Variants in PBX1 observed in about 807,000 individuals in gnomAD.
PBX1 encodes pre-B-cell leukemia transcription factor 1.
PBX1 carries 6 observed loss-of-function variants against 53.4 expected under a neutral mutation model. That is an observed-to-expected ratio of 0.11 (90% CI 0.06 to 0.22). PBX1 has a LOEUF of 0.22. PBX1 is among the 10% of genes least tolerant of loss of function. The pLI is 1.00. For missense variants in PBX1, 251 were observed against 551.4 expected (o/e 0.46, Z 5.46); for synonymous variants, 204 against 212.3 (o/e 0.96, Z 0.34).
chr1:164,838,704 T>A (rs1671158333), intron 8 of PBX1, among the ~76,000 whole-genome samples: 1 of 152,036 alleles, frequency 6.6e-6, no homozygotes, highest in East Asian at 1.9e-4. Context: ...GGAGTAAGAG[T>A]TCACACTAGA....
chr1:164,783,602 A>T (rs1668031653), intron 2 of PBX1, among the ~76,000 whole-genome samples: 1 of 152,194 alleles, frequency 6.6e-6, no homozygotes, highest in South Asian at 2.1e-4. Flanking sequence ...ACCAAGCACT[A>T]CTGTGTGCTT....
intron 2 of PBX1, among the ~76,000 whole-genome samples, chr1:164,643,235 A>G (rs1659249967): frequency 6.6e-6 from 1 of 152,200 alleles, no homozygotes; most frequent in Admixed American, 6.5e-5. Context: ...GGGGCGTTGC[A>G]GACGCTCTCC....
intron 2 of PBX1, among the ~76,000 whole-genome samples, chr1:164,733,376 G>A (rs914684345): frequency 1.3e-5 from 2 of 152,106 alleles, no homozygotes; most frequent in African/African-American, 4.8e-5. Flanking sequence ...CTTGGGTCCT[G>A]TGCATCTCTG....
chr1:164,600,879 T>C (rs1410009758), intron 2 of PBX1, among the ~76,000 whole-genome samples: 1 of 152,194 alleles, frequency 6.6e-6, no homozygotes, highest in Non-Finnish European at 1.5e-5. Flanking sequence ...CCAGAGGTTG[T>C]CATCTTCATA....
intron 2 of PBX1, chr1:164,700,715 G>A (rs1663069815): frequency 1.0e-6 from 1 of 985,266 alleles, no homozygotes; most frequent in Non-Finnish European, 1.2e-6. Flanking sequence ...GGATGAGGTA[G>A]GTGAATTAAA....
intron 2 of PBX1, among the ~76,000 whole-genome samples, chr1:164,587,980 A>G (rs1171235953): frequency 1.3e-5 from 2 of 152,148 alleles, no homozygotes; most frequent in Non-Finnish European, 2.9e-5. Context: ...ATGCCTTGTC[A>G]CCTCTCATCT....
At chr1:164,874,795 T>C (rs542541656) in intron 2 of PBX1, among the ~76,000 whole-genome samples, 4 of 152,258 alleles carry the variant, frequency 2.6e-5, no homozygotes, top group South Asian at 4.2e-4. Flanking sequence ...TGCCCAGCTT[T>C]ACTGTGTAAT....
At chr1:164,713,584 T>C (rs1393274494) in intron 2 of PBX1, among the ~76,000 whole-genome samples, 1 of 152,148 alleles carries the variant, frequency 6.6e-6, no homozygotes, top group African/African-American at 2.4e-5. Flanking sequence ...TTGCTTTCTG[T>C]ACAGCTGCCT....
At chr1:164,624,733 T>A (rs966712103) in intron 2 of PBX1, among the ~76,000 whole-genome samples, 25 of 152,226 alleles carry the variant, frequency 1.6e-4, no homozygotes, top group African/African-American at 5.3e-4. Flanking sequence ...AGGTTTTTTT[T>A]ATTCATGTGT....
intron 2 of PBX1, among the ~76,000 whole-genome samples, chr1:164,773,236 A>AACGC (rs1553243935): frequency 2.1e-5 from 1 of 48,010 alleles, no homozygotes; most frequent in African/African-American, 1.0e-4. Flanking sequence ...GCATATAGGT[A>AACGC]ACACGCGCAC....
At chr1:164,788,351 A>AT (rs1200110415) in intron 2 of PBX1, among the ~76,000 whole-genome samples, 2 of 151,712 alleles carry the variant, frequency 1.3e-5, no homozygotes, top group Admixed American at 1.3e-4. Context: ...CTGCTTAGAC[A>AT]TATCACCCTT....
chr1:164,702,639 C>T (rs1047347390), intron 2 of PBX1, among the ~76,000 whole-genome samples: 2 of 151,424 alleles, frequency 1.3e-5, no homozygotes, highest in African/African-American at 4.9e-5. Flanking sequence ...AGAGTGAATG[C>T]AGTGCAGGAA....
chr1:164,719,582 C>T (rs1281972014), intron 2 of PBX1, among the ~76,000 whole-genome samples: 4 of 152,252 alleles, frequency 2.6e-5, no homozygotes, highest in Non-Finnish European at 5.9e-5. Flanking sequence ...CGGGGAGGCG[C>T]AGGCATTTGT....
At chr1:164,768,526 C>G (rs1471448907) in intron 2 of PBX1, among the ~76,000 whole-genome samples, 1 of 152,150 alleles carries the variant, frequency 6.6e-6, no homozygotes, top group African/African-American at 2.4e-5. Context: ...TTAAATGTTT[C>G]GGAAATGTGA....
intron 8 of PBX1, among the ~76,000 whole-genome samples, chr1:164,831,636 A>G (rs9887954): frequency 0.56 from 84,632 of 152,008 alleles, 26,939 homozygotes; most frequent in African/African-American, 0.89. Flanking sequence ...TGATTCGCCC[A>G]CCTCAGCCTC....
chr1:164,843,285 A>G (rs1671392981), intron 8 of PBX1, among the ~76,000 whole-genome samples: 2 of 152,178 alleles, frequency 1.3e-5, no homozygotes, highest in Admixed American at 1.3e-4. Flanking sequence ...CCAGCATGAC[A>G]TGCTTCTTCT....
At chr1:164,799,528 A>G (rs1297883922) in intron 3 of PBX1, among the ~76,000 whole-genome samples, 171 bp from the exon 4 acceptor site, 1 of 152,198 alleles carries the variant, frequency 6.6e-6, no homozygotes, top group East Asian at 1.9e-4. Flanking sequence ...ATTCAACATT[A>G]TCGCCAAAAC....
chr1:164,868,895 T>C (rs1039598245), intron 2 of PBX1, among the ~76,000 whole-genome samples: 6 of 152,206 alleles, frequency 3.9e-5, no homozygotes, highest in Non-Finnish European at 7.3e-5. Context: ...CTGATTCTAA[T>C]TGTCCTGAGC....
chr1:164,569,512 GAA>G (rs1378707437), intron 2 of PBX1, among the ~76,000 whole-genome samples: 1 of 147,952 alleles, frequency 6.8e-6, no homozygotes, highest in Non-Finnish European at 1.5e-5. Flanking sequence ...ATTTTATGCT[GAA>G]AAGAGACAAA....
Sources: gnomAD v4.1 joint callset for allele counts (sites outside exome capture counted in the v4.1 genomes callset) on GRCh38, gnomAD v4.1.1 for gene constraint, MANE v1.5 for transcripts, NCBI Gene and HGNC (gene_info 2026-07-23, HGNC 2026-07-21) for gene names.